The following CDKAL1 variants were observed in gnomAD, a reference collection of about 807,000 sequenced individuals.
CDKAL1 encodes threonylcarbamoyladenosine tRNA methylthiotransferase.
A neutral mutation model predicts 68.2 loss-of-function variants in CDKAL1; 32 were observed. The observed-to-expected ratio is 0.47, with a 90% CI of 0.35 to 0.63. The LOEUF is 0.63. Among genes scored for constraint, CDKAL1 ranks in the 30% least tolerant of loss-of-function variants. The probability of loss-of-function intolerance (pLI) is 0.00; values close to 1 mark genes in which losing one functional copy is unlikely to be tolerated. For synonymous variants in CDKAL1, 234 were observed against 244.3 expected (o/e 0.96, Z 0.39); for missense variants, 606 against 696.7 (o/e 0.87, Z 1.47).
chr6:20,624,243 T>C (rs1192106624), intron 4 of CDKAL1, among the ~76,000 whole-genome samples: 1 of 152,010 alleles, frequency 6.6e-6, no homozygotes, highest in Non-Finnish European at 1.5e-5. Context: ...TAGATACCTT[T>C]TTCTTTTTTT....
chr6:20,628,510 CAT>C (rs915428737), intron 4 of CDKAL1, among the ~76,000 whole-genome samples: 17 of 152,120 alleles, frequency 1.1e-4, no homozygotes, highest in Admixed American at 3.9e-4. Flanking sequence ...GATTTATTAA[CAT>C]AATTACATGT....
chr6:20,550,907 C>G (rs1004445988), intron 4 of CDKAL1, among the ~76,000 whole-genome samples: 1 of 138,488 alleles, frequency 7.2e-6, no homozygotes, highest in African/African-American at 2.7e-5. Flanking sequence ...TGCTCTGTCT[C>G]CCAGGCTGGA....
At chr6:20,778,371 A>G (rs560140034) in intron 7 of CDKAL1, among the ~76,000 whole-genome samples, 18 of 152,344 alleles carry the variant, frequency 1.2e-4, no homozygotes, top group African/African-American at 4.3e-4. Flanking sequence ...GAAAATATTT[A>G]TAAATCATAT....
intron 5 of CDKAL1, among the ~76,000 whole-genome samples, chr6:20,666,670 G>A (rs1168176092): frequency 2.4e-4 from 35 of 147,704 alleles, no homozygotes; most frequent in Non-Finnish European, 7.4e-5. Context: ...CTGATCGCCC[G>A]CTGCATTCCA....
intron 8 of CDKAL1, among the ~76,000 whole-genome samples, chr6:20,837,668 A>G (rs1480776633): frequency 6.6e-6 from 1 of 152,102 alleles, no homozygotes; most frequent in Non-Finnish European, 1.5e-5. Context: ...TTAGTTTAAC[A>G]GCAGACGAGT....
intron 4 of CDKAL1, among the ~76,000 whole-genome samples, chr6:20,567,698 T>TTTAATTAA (rs199823968): frequency 3.3e-5 from 5 of 151,844 alleles, no homozygotes; most frequent in African/African-American, 9.7e-5. Context: ...GTCTCAGCTT[T>TTTAATTAA]TTAATTAATT....
intron 8 of CDKAL1, among the ~76,000 whole-genome samples, chr6:20,785,762 A>G (rs1008860041): frequency 7.9e-5 from 12 of 152,180 alleles, no homozygotes; most frequent in African/African-American, 2.9e-4. Flanking sequence ...TTGCTTCCAC[A>G]TTAAATATGT....
chr6:20,904,125 T>G lies in CDKAL1; in HGVS notation c.743-51294T>G, dbSNP rs150599671. ...AGATATTGGAGATGTGGGTGCTGAT[T>G]GCTGCTTTTGATCAAGAGCTGCAAA... is the stretch of plus-strand genomic sequence containing the variant. On this transcript the variant is annotated intron_variant, in intron 9 of 15. Transcript: ENST00000274695. Among the ~76,000 whole-genome samples, 23 of 152,306 alleles carry G rather than the reference T, an allele frequency of 1.5e-4. No homozygotes were observed. The East Asian group carries it at 4.2e-3, about 28-fold the overall frequency.
chr6:21,222,261 A>G (rs1399544554), intron 15 of CDKAL1, among the ~76,000 whole-genome samples: 2 of 152,198 alleles, frequency 1.3e-5, no homozygotes, highest in Non-Finnish European at 2.9e-5. Flanking sequence ...CCTGATAGCA[A>G]TTACACATTT....
chr6:20,853,755 C>T (rs765675941), intron 9 of CDKAL1, among the ~76,000 whole-genome samples: 18 of 152,122 alleles, frequency 1.2e-4, no homozygotes, highest in Admixed American at 2.0e-4. Context: ...TAGTCAGAGG[C>T]GAGAACTACA....
At position 20,665,704 on chromosome 6, in the gene CDKAL1, G is replaced by GT. The variant is rs531576895; in HGVS notation, c.371+16338dup. ...ATTGAAACGATGTATAGAGAGATGA[G>GT]TTTTTTTTTTTCTAAGCAATGTTAT... On this transcript the variant is annotated intron_variant, in intron 5 of 15. Transcript: ENST00000274695. Among the ~76,000 whole-genome samples, 100 of 149,268 alleles carry GT rather than the reference G, an allele frequency of 6.7e-4. No homozygotes were observed. The South Asian group carries it at 0.012, about 18-fold the overall frequency.
At position 21,109,436 on chromosome 6, in the gene CDKAL1, T is replaced by C. The variant is rs562633750; in HGVS notation, c.1299+973T>C. On this transcript the variant is annotated intron_variant, in intron 13 of 15. Transcript: ENST00000274695. The stretch of plus-strand genomic sequence containing the variant: ...GTCTGGATTCAGGAGGGAAAAATTG[T>C]GCCAGTTCATAGAAGTTGAAAGAAT... Among the ~76,000 whole-genome samples, 4 of 152,330 alleles carry C rather than the reference T, an allele frequency of 2.6e-5. No homozygotes were observed. The East Asian group carries it at 7.7e-4, about 29-fold the overall frequency.
Position 20,723,058 on chromosome 6 carries a change from G to T in CDKAL1, c.372-16461G>T, listed in dbSNP as rs111529142. ...GACAAGAGCTTGGGACCCATCAACT[G>T]CAGGTACCCAGAAAGGCTGCCACAC... On this transcript the variant is annotated intron_variant, in intron 5 of 15. Coordinates refer to ENST00000274695, the MANE Select transcript of CDKAL1 (RefSeq NM_017774.3). Among the ~76,000 whole-genome samples the T allele has an allele frequency of 6.8e-3, 1,029 of 152,262 alleles. 14 individuals are homozygous for T. Among genetic ancestry groups the T allele is most frequent in the African/African-American group, 0.023 (962 of 41,554 alleles).
chr6:20,982,069 T>G (rs769336339), intron 10 of CDKAL1, among the ~76,000 whole-genome samples: 1 of 148,782 alleles, frequency 6.7e-6, no homozygotes, highest in Non-Finnish European at 1.5e-5. Context: ...ATTTATTTAT[T>G]TATTTATTTA....
chr6:21,148,078 C>G (rs1776262308), intron 13 of CDKAL1, among the ~76,000 whole-genome samples: 4 of 152,292 alleles, frequency 2.6e-5, no homozygotes, highest in Middle Eastern at 6.8e-3. Context: ...CTTGGCTTAC[C>G]TAGCTCCTGA....
intron 11 of CDKAL1, among the ~76,000 whole-genome samples, chr6:21,046,467 C>G (rs1207700807): frequency 6.6e-6 from 1 of 152,210 alleles, no homozygotes; most frequent in African/African-American, 2.4e-5. Context: ...ACTTTGGTCA[C>G]TCACAGTCAG....
At chr6:20,908,606 C>A (rs780136573) in intron 9 of CDKAL1, among the ~76,000 whole-genome samples, 2 of 151,888 alleles carry the variant, frequency 1.3e-5, no homozygotes, top group Admixed American at 1.3e-4. Context: ...TAAAAAAATA[C>A]GTGGAAACAG....
chr6:21,043,733 A>G (rs1770066355), intron 11 of CDKAL1, among the ~76,000 whole-genome samples: 1 of 152,182 alleles, frequency 6.6e-6, no homozygotes, highest in Non-Finnish European at 1.5e-5. Context: ...TTTTAAAAGT[A>G]TCGTCATGGA....
At chr6:20,775,042 A>G (rs747993519) in intron 7 of CDKAL1, among the ~76,000 whole-genome samples, 9 of 152,228 alleles carry the variant, frequency 5.9e-5, no homozygotes, top group Non-Finnish European at 1.2e-4. Flanking sequence ...TTAAAAATGG[A>G]AAAGATAAAA....
Sources: gnomAD v4.1 joint callset for allele counts (sites outside exome capture counted in the v4.1 genomes callset) on GRCh38, gnomAD v4.1.1 for gene constraint, MANE v1.5 for transcripts, NCBI Gene and HGNC (gene_info 2026-07-23, HGNC 2026-07-21) for gene names.